Variants in TMEM41B observed in about 807,000 individuals in gnomAD.
TMEM41B encodes the protein protein stasimon.
In TMEM41B, 18 loss-of-function variants were observed where a neutral mutation model predicts 31.9. That is an observed-to-expected ratio of 0.56 (90% CI 0.39 to 0.84). The LOEUF is 0.84. TMEM41B is among the 40% of genes least tolerant of loss of function. The pLI, the probability that TMEM41B is intolerant of heterozygous loss-of-function variation, is 0.00. For synonymous variants in TMEM41B, 144 were observed against 124.3 expected (o/e 1.16, Z -1.05); for missense variants, 322 against 348.0 (o/e 0.93, Z 0.59).
At chr11:9,299,507 G>C (rs1853193760) in intron 2 of TMEM41B, 77 bp downstream of exon 2, 1 of 982,642 alleles carries the variant, frequency 1.0e-6, no homozygotes, top group Admixed American at 2.2e-5. Flanking sequence ...ACAGGCATCA[G>C]CTACTGCACT....
rs561706221 is a variant in TMEM41B at position 9,311,436 on chromosome 11, G to A, written c.121+2885C>T. On this transcript the variant is annotated intron_variant, in intron 1 of 6. Transcript: ENST00000528080. ...GGGACTCACAGGAGGCATTCCAGGA[G>A]CAGACGGTGGGTATGGAGGAGGGTA... The A allele has an allele frequency of 1.6e-4, 226 of 1,391,376 alleles. 1 individual carries two copies. In the African/African-American group the frequency reaches 3.0e-3, roughly 18 times the overall value. The allele number at this position is 1,391,376 out of a possible 1,614,324, so 86.2% of individuals were successfully genotyped here. A position where few individuals can be genotyped will look rare whatever the true frequency, so the allele number is the denominator to read the frequency against.
At chr11:9,312,802 G>A (rs1167477025) in intron 1 of TMEM41B, among the ~76,000 whole-genome samples, 2 of 151,628 alleles carry the variant, frequency 1.3e-5, no homozygotes, top group African/African-American at 4.9e-5. Context: ...TACTCGGGAG[G>A]CTGAGGCAGG....
chr11:9,311,522 T>TG, intron 1 of TMEM41B: 3 of 1,337,690 alleles, frequency 2.2e-6, no homozygotes, highest in Non-Finnish European at 3.1e-6. Context: ...GGGGCCAACC[T>TG]GGGGGGAAAG....
Position 9,293,567 on chromosome 11 carries a change from C to T in TMEM41B, c.368+1692G>A, listed in dbSNP as rs185555984. Among the ~76,000 whole-genome samples, 388 of 152,178 alleles carry T rather than the reference C, an allele frequency of 2.5e-3. 1 individual carries two copies. Among genetic ancestry groups the T allele is most frequent in the African/African-American group, 9.0e-3 (375 of 41,502 alleles). On this transcript the variant is annotated intron_variant, in intron 3 of 6. Transcript: ENST00000528080. ...ATACCTCAACAACATATGGATACTT[C>T]TGATTCTTTTTATTTTTGTTATTTT...
intron 3 of TMEM41B, chr11:9,295,038 T>C (rs945127235): frequency 4.8e-6 from 3 of 626,376 alleles, no homozygotes; most frequent in Non-Finnish European, 6.5e-6. Flanking sequence ...AAAAGCAGAA[T>C]ACAAAAGAAC....
At chr11:9,299,548 T>G (rs754708413) in intron 2 of TMEM41B, 36 bp downstream of exon 2, 4 of 1,347,740 alleles carry the variant, frequency 3.0e-6, no homozygotes, top group Middle Eastern at 2.3e-4. Context: ...CTTATAAATA[T>G]CTATACATTT....
rs757162374 is a variant in TMEM41B, at chr11:9,295,284, C to T, written c.343G>A (p.Val115Ile). 1.9e-6 allele frequency: 3 copies of T among 1,578,962 alleles called. No homozygotes were observed. Among genetic ancestry groups the T allele is most frequent in the South Asian group, 2.3e-5 (2 of 87,370 alleles). The change falls in exon 3 of 7, where the codon GTA (valine) becomes ATA (isoleucine). Residue 115 changes from valine to isoleucine, a missense_variant. Around this residue, in one of 3 missense-constraint regions of TMEM41B, gnomAD observed 183 missense variants for 175.3 expected, o/e 1.04. Transcript: ENST00000528080. The stretch of plus-strand genomic sequence containing the variant: ...AAAATATATGTAGCAAAATAAGCTA[C>T]AAGTACTTGAACATAAAAGGTGTCC... ...YKDTFYVQVL[V>I]AYFATYIFLQ... is the part of the protein sequence containing the mutation.
chr11:9,311,270 G>A, intron 1 of TMEM41B: 3 of 1,506,908 alleles, frequency 2.0e-6, no homozygotes, highest in Non-Finnish European at 1.8e-6. Flanking sequence ...AAGGACCCAG[G>A]GCCTGTATTC....
At chr11:9,287,610 G>C in intron 5 of TMEM41B, 92 bp downstream of exon 5, 3 of 779,386 alleles carry the variant, frequency 3.8e-6, no homozygotes, top group South Asian at 3.7e-5. Context: ...TTTATGTTGG[G>C]TTAATACATG....
chr11:9,299,015 T>C (rs1179689920), intron 2 of TMEM41B, among the ~76,000 whole-genome samples: 3 of 151,840 alleles, frequency 2.0e-5, no homozygotes, highest in Non-Finnish European at 2.9e-5. Context: ...GCACAGTGGC[T>C]CAAGCCTATA....
At chr11:9,286,703 C>T (rs1350048603) in intron 5 of TMEM41B, 110 bp from the exon 6 acceptor site, 1 of 1,156,860 alleles carries the variant, frequency 8.6e-7, no homozygotes, top group Non-Finnish European at 1.2e-6. Flanking sequence ...CAGAGTATAC[C>T]CAATAGAAAT....
rs1590368961 is a variant in TMEM41B at position 9,283,860 on chromosome 11, C to T, written c.707-267G>A. ...AACACGATGGCGCGATCTTGGCTCA[C>T]TGCAACCTCCGCCTCCCGGGTTCAA... is the stretch of plus-strand genomic sequence containing the variant. On this transcript the variant is annotated intron_variant, in intron 6 of 6. Transcript: ENST00000528080. Among the ~76,000 whole-genome samples, 4 of 151,906 alleles carry T rather than the reference C, an allele frequency of 2.6e-5. No homozygotes were observed. The South Asian group carries it at 8.3e-4, about 31-fold the overall frequency.
Position 9,283,186 on chromosome 11 carries a change from T to C in TMEM41B, c.*238A>G. On this transcript the variant is annotated 3_prime_UTR_variant, in exon 7 of 7. Transcript: ENST00000528080. ...CAGCTACCCTTGGTATAATAATTTA[T>C]AAGATGTCTAAGATGTCTACCTTAA... 3.1e-6 allele frequency: 1 copy of C among 325,146 alleles called. No individual in the cohort carries two copies. The highest frequency in any genetic ancestry group is 5.5e-6 in the Non-Finnish European group (1 of 181,904). 20.1% of individuals were successfully genotyped at this position (325,146 alleles called of 1,614,324 possible).
chr11:9,295,377 C>T lies in TMEM41B; in HGVS notation c.250G>A (p.Val84Met). 1.9e-6 allele frequency: 3 copies of T among 1,573,744 alleles called. No individual in the cohort carries two copies. In the East Asian group the frequency reaches 6.8e-5, roughly 36 times the overall value. ...ATATCTCTGGGAACCTTCATATTCA[C>T]TCTTTCTTCTCTGAAGAAATAAAGT... ...NFPQLSEEER[V>M]NMKVPRDMDD... is the part of the protein sequence containing the mutation. Residue 84 changes from valine to methionine, a missense_variant, in exon 3 of 7, where the codon GTG (valine) becomes ATG (methionine). Coordinates refer to ENST00000528080, the MANE Select transcript of TMEM41B (RefSeq NM_015012.4).
chr11:9,298,472 A>C (rs1285075412), intron 2 of TMEM41B, among the ~76,000 whole-genome samples: 1 of 149,206 alleles, frequency 6.7e-6, no homozygotes, highest in East Asian at 2.0e-4. Flanking sequence ...AAAAAAAAAA[A>C]AAAAATTGTG....
At position 9,314,465 on chromosome 11, in the gene TMEM41B, G is replaced by T; in HGVS notation, c.-24C>A. 3 of 1,543,544 alleles carry T rather than the reference G, an allele frequency of 1.9e-6. No homozygotes were observed. The highest frequency in any genetic ancestry group is 2.6e-6 in the Non-Finnish European group (3 of 1,142,438). On this transcript the variant is annotated 5_prime_UTR_variant, in exon 1 of 7. Transcript: ENST00000528080. The stretch of plus-strand genomic sequence containing the variant: ...ATGGCTGCTGCAAGGTGAAGGGAGC[G>T]GTGCGGTGCCGCGCCCCCTAAACAA...
At chr11:9,289,220 C>T (rs1010596734) in intron 3 of TMEM41B, among the ~76,000 whole-genome samples, 3 of 152,112 alleles carry the variant, frequency 2.0e-5, no homozygotes, top group East Asian at 1.9e-4. Context: ...TAGTCTTGAA[C>T]TCCTGGGCTC....
chr11:9,301,652 C>A (rs551652606), intron 1 of TMEM41B, among the ~76,000 whole-genome samples: 2 of 152,298 alleles, frequency 1.3e-5, no homozygotes, highest in East Asian at 3.9e-4. Context: ...TTCTACCCTC[C>A]CAAACCCAGA....
At position 9,286,583 on chromosome 11, in the gene TMEM41B, T is replaced by C. The variant is rs531794734; in HGVS notation, c.578A>G (p.His193Arg). 1.2e-5 allele frequency: 19 copies of C among 1,606,428 alleles called. No homozygotes were observed. In the South Asian group the frequency reaches 1.7e-4, roughly 14 times the overall value. The change falls in exon 6 of 7, where the codon CAT becomes CGT. Residue 193 changes from histidine (H) to arginine (R), a missense_variant. His to Arg is a conservative substitution (Grantham distance 29, BLOSUM62 0). This residue lies in a region of TMEM41B where 47 missense variants were observed against 84.8 expected (regional missense o/e 0.55). Coordinates refer to ENST00000528080, the MANE Select transcript of TMEM41B (RefSeq NM_015012.4). ...AATGTAGTTAATGAGATGTTCTCTA[T>C]GACGTTCAACCTGTCATAAGAAAGA... ...AVKWSQQVER[H>R]REHLINYIIF...
Sources: allele counts gnomAD v4.1 joint callset (sites outside exome capture counted in the v4.1 genomes callset), GRCh38; gene constraint gnomAD v4.1.1; regional missense constraint gnomAD v4.1.1; transcripts MANE v1.5; gene names NCBI Gene and HGNC (gene_info 2026-07-23, HGNC 2026-07-21).